The following GAPVD1 variants were observed in gnomAD, a reference collection of about 807,000 sequenced individuals.
GAPVD1 encodes GTPase activating protein and VPS9 domains 1.
Under a neutral mutation model 155.5 loss-of-function variants are expected in GAPVD1, and 35 were observed. That is an observed-to-expected ratio of 0.23 (90% CI 0.17 to 0.30). GAPVD1 has a LOEUF of 0.30. GAPVD1 is among the 10% of genes least tolerant of loss of function. The pLI is 1.00. For synonymous variants in GAPVD1, 636 were observed against 619.7 expected, an observed-to-expected ratio of 1.03 and a Z score of -0.39; for missense variants, 1,429 against 1,775.7, an observed-to-expected ratio of 0.80 and a Z score of 3.51.
chr9:125,350,428 AT>A (rs1363680006), intron 22 of GAPVD1, 24 bp downstream of exon 22: 1 of 1,433,242 alleles, frequency 7.0e-7, no homozygotes, highest in African/African-American at 1.4e-5. Flanking sequence ...GGATCGTTTA[AT>A]TTTTCCTATG....
At chr9:125,286,344 A>G (rs1588654313) in intron 2 of GAPVD1, among the ~76,000 whole-genome samples, 1 of 152,046 alleles carries the variant, frequency 6.6e-6, no homozygotes, top group Admixed American at 6.6e-5. Context: ...GAGTTTTGCC[A>G]TGTTGCCTAG....
chr9:125,357,366 G>GT (rs1426693263), intron 25 of GAPVD1, among the ~76,000 whole-genome samples: 1 of 150,964 alleles, frequency 6.6e-6, no homozygotes, highest in Non-Finnish European at 1.5e-5. Context: ...ATCACCTGAG[G>GT]TCAGGAGTTC....
At position 125,290,477 on chromosome 9, in the gene GAPVD1, T is replaced by C. The variant is rs534726588; in HGVS notation, c.-149-4981T>C. On this transcript the variant is annotated intron_variant, in intron 2 of 27. Transcript: ENST00000297933. ...AAGAGCATAGATGTAGATAAGTCAA[T>C]GTAAGTATGATACTGTGAGCTTGTG... Among the ~76,000 whole-genome samples the C allele has an allele frequency of 1.1e-4, 16 of 152,268 alleles. 2 individuals carry two copies. The highest frequency in any genetic ancestry group is 9.7e-4 in the East Asian group (5 of 5,168).
At chr9:125,328,671 A>G (rs10986705) in intron 12 of GAPVD1, among the ~76,000 whole-genome samples, 1,910 of 151,110 alleles carry the variant, frequency 0.013, 96 homozygotes, top group East Asian at 0.087. Context: ...TCTATTCCAC[A>G]AAGCCGCCAT....
At chr9:125,322,307 G>A (rs907236032) in intron 10 of GAPVD1, among the ~76,000 whole-genome samples, 2 of 151,844 alleles carry the variant, frequency 1.3e-5, no homozygotes, top group South Asian at 2.1e-4. Flanking sequence ...CTCGTGATCC[G>A]CCCACCTCAG....
At chr9:125,318,774 G>A (rs1304650037) in intron 9 of GAPVD1, among the ~76,000 whole-genome samples, 1 of 151,648 alleles carries the variant, frequency 6.6e-6, no homozygotes, top group East Asian at 1.9e-4. Context: ...AAATTTCCAG[G>A]GATGGTGGCT....
At chr9:125,278,476 A>G (rs1437650682) in intron 2 of GAPVD1, among the ~76,000 whole-genome samples, 1 of 152,112 alleles carries the variant, frequency 6.6e-6, no homozygotes, top group Non-Finnish European at 1.5e-5. Flanking sequence ...AGCCAAGATC[A>G]TGCCACTACC....
chr9:125,325,406 C>A (rs1365059944), intron 11 of GAPVD1, among the ~76,000 whole-genome samples: 1 of 150,272 alleles, frequency 6.7e-6, no homozygotes, highest in Non-Finnish European at 1.5e-5. Context: ...CTTGTAGTCC[C>A]AGCTACTCGG....
intron 1 of GAPVD1, among the ~76,000 whole-genome samples, chr9:125,266,908 G>A (rs10986676): frequency 0.013 from 1,956 of 151,844 alleles, 99 homozygotes; most frequent in East Asian, 0.087. Context: ...CTATGGGCAC[G>A]TGCCACCACA....
intron 13 of GAPVD1, 80 bp from the exon 14 acceptor site, chr9:125,331,846 G>C (rs1311757805): frequency 7.5e-7 from 1 of 1,331,960 alleles, no homozygotes; most frequent in African/African-American, 1.4e-5. Context: ...TGGTAGCTTT[G>C]TTTATCTGGG....
At chr9:125,336,145 CAA>C (rs770093537) in intron 15 of GAPVD1, among the ~76,000 whole-genome samples, 19 of 69,152 alleles carry the variant, frequency 2.7e-4, no homozygotes, top group East Asian at 3.9e-4. Context: ...ACTTTGTCTC[CAA>C]AAAAAAAAAA....
chr9:125,297,476 G>T (rs1319630444), intron 3 of GAPVD1, among the ~76,000 whole-genome samples: 1 of 152,204 alleles, frequency 6.6e-6, no homozygotes, highest in African/African-American at 2.4e-5. Flanking sequence ...TGAGTGGAGA[G>T]ATCTGAATGG....
intron 8 of GAPVD1, chr9:125,310,044 A>G (rs1002687155): frequency 3.8e-5 from 14 of 370,426 alleles, no homozygotes; most frequent in African/African-American, 1.5e-4. Context: ...TTCTTTTATA[A>G]TTTTATTTAA....
chr9:125,263,760 C>G (rs933951159), intron 1 of GAPVD1: 143 of 921,978 alleles, frequency 1.6e-4, no homozygotes, highest in Middle Eastern at 6.3e-4. Context: ...TTGTGAGTCT[C>G]GCAGGTCACT....
At chr9:125,303,213 G>A (rs1381595354) in intron 5 of GAPVD1, among the ~76,000 whole-genome samples, 1 of 151,942 alleles carries the variant, frequency 6.6e-6, no homozygotes, top group African/African-American at 2.4e-5. Flanking sequence ...TAGCCATGGG[G>A]TTAAAATTTA....
At chr9:125,332,437 C>G in intron 14 of GAPVD1, 73 bp from the exon 15 acceptor site, 1 of 1,272,164 alleles carries the variant, frequency 7.9e-7, no homozygotes, top group Non-Finnish European at 1.1e-6. Flanking sequence ...TTCAGTTTCT[C>G]CAAATTTCAT....
intron 3 of GAPVD1, among the ~76,000 whole-genome samples, chr9:125,297,966 G>A (rs59903875): frequency 0.021 from 3,259 of 152,108 alleles, 121 homozygotes; most frequent in African/African-American, 0.074. Flanking sequence ...GGCTGGTCTC[G>A]AACTCCTGAC....
intron 8 of GAPVD1, among the ~76,000 whole-genome samples, chr9:125,311,856 A>C (rs149682747): frequency 1.3e-5 from 2 of 151,656 alleles, no homozygotes; most frequent in African/African-American, 4.8e-5. Context: ...AGTAGCTGGG[A>C]TTACAGGTGC....
At position 125,342,309 on chromosome 9, in the gene GAPVD1, C is replaced by A; in HGVS notation, c.3046+10C>A. The A allele has an allele frequency of 6.9e-7, 1 of 1,458,892 alleles. No individual in the cohort carries two copies. Among genetic ancestry groups the A allele is most frequent in the Non-Finnish European group, 9.6e-7 (1 of 1,039,550 alleles). The allele number at this position is 1,458,892 out of a possible 1,614,324, so 90.4% of individuals were successfully genotyped here. On this transcript the variant is annotated intron_variant, in intron 19 of 27. Coordinates refer to ENST00000297933, the MANE Select transcript of GAPVD1 (RefSeq NM_001282680.3). ...TTCTCAACACTCACAGGTTTGTAGA[C>A]CCATGGACTTCCTGGCTCCTTCATT... is the stretch of plus-strand genomic sequence containing the variant.
Sources: gnomAD v4.1 joint callset for allele counts (sites outside exome capture counted in the v4.1 genomes callset) on GRCh38, gnomAD v4.1.1 for gene constraint, MANE v1.5 for transcripts, NCBI Gene and HGNC (gene_info 2026-07-23, HGNC 2026-07-21) for gene names.